STAM2: variants seen among roughly 807,000 people sequenced by gnomAD.
STAM2 encodes the protein signal transducing adapter molecule 2.
In STAM2, 51 loss-of-function variants were observed where a neutral mutation model predicts 65.6. The observed-to-expected ratio is 0.78, with a 90% CI of 0.62 to 0.98. The LOEUF is 0.98. STAM2 is among the 50% of genes least tolerant of loss of function. STAM2 has a pLI of 0.00. For missense variants in STAM2, 584 were observed against 617.8 expected, an observed-to-expected ratio of 0.95 and a Z score of 0.58; for synonymous variants, 198 against 208.4, an observed-to-expected ratio of 0.95 and a Z score of 0.43.
At chr2:152,134,698 T>C (rs1689122696) in intron 8 of STAM2, among the ~76,000 whole-genome samples, 1 of 152,152 alleles carries the variant, frequency 6.6e-6, no homozygotes, top group Admixed American at 6.5e-5. Flanking sequence ...TCCTTATCTG[T>C]AAGACAGGGC....
rs549324409 is a variant in STAM2 at position 152,120,501 on chromosome 2, T to G, written c.*73A>C. 3.8e-6 allele frequency: 5 copies of G among 1,333,146 alleles called. No individual in the cohort carries two copies. The African/African-American group carries it at 5.8e-5, about 16-fold the overall frequency. 82.6% of individuals were successfully genotyped at this position (1,333,146 alleles called of 1,614,324 possible). On this transcript the variant is annotated 3_prime_UTR_variant, in exon 14 of 14. Transcript: ENST00000263904. ...GAGTTGAGAGGGAAAAAAGTTTTAA[T>G]ATTTTCAGGTTGGTATCACAAGGAC...
intron 1 of STAM2, among the ~76,000 whole-genome samples, chr2:152,175,031 A>T (rs1297647173): frequency 6.6e-6 from 1 of 152,170 alleles, no homozygotes; most frequent in Non-Finnish European, 1.5e-5. Context: ...CACCCGCGCA[A>T]TCTTTGCAAT....
rs748199696 is a variant in STAM2 at position 152,175,619 on chromosome 2, G to A, written c.24C>T (p.Pro8=). The change falls in exon 1 of 14, where the codon CCC becomes CCT. Residue 8 remains proline (P), a synonymous_variant. Coordinates refer to ENST00000263904, the MANE Select transcript of STAM2 (RefSeq NM_005843.6). MPLFTAN[P]FEQDVEKATN... ...AGCACTCACCCACGTCTTGCTCGAA[G>A]GGGTTGGCGGTGAACAAAGGCATCT... 2.7e-5 allele frequency: 43 copies of A among 1,613,820 alleles called. 1 individual carries two copies. In the South Asian group the frequency reaches 4.4e-4, roughly 16 times the overall value.
chr2:152,141,781 G>C (rs1469834420), intron 7 of STAM2, among the ~76,000 whole-genome samples: 2 of 151,772 alleles, frequency 1.3e-5, no homozygotes, highest in East Asian at 2.0e-4. Flanking sequence ...AGTAGAGACA[G>C]GGTTTCACCA....
chr2:152,131,555 A>G (rs576880041), intron 11 of STAM2: 1 of 153,414 alleles, frequency 6.5e-6, no homozygotes, highest in South Asian at 2.1e-4. Context: ...TTAAGGCAGG[A>G]TGGTCTCAAA....
chr2:152,118,718 T>A lies in STAM2; in HGVS notation c.*1856A>T, dbSNP rs1019504258. 3 of 151,916 alleles carry A rather than the reference T, an allele frequency of 2.0e-5. No homozygotes were observed. The highest frequency in any genetic ancestry group is 2.0e-4 in the Admixed American group (3 of 15,252). 9.4% of individuals were successfully genotyped at this position (151,916 alleles called of 1,614,324 possible). ...CTTTGGATTTTTTTTAAATGTTTTT[T>A]AAAAATTATTATTTTGTAAATAACA... is the stretch of plus-strand genomic sequence containing the variant. On this transcript the variant is annotated 3_prime_UTR_variant, in exon 14 of 14. Coordinates refer to ENST00000263904, the MANE Select transcript of STAM2 (RefSeq NM_005843.6).
chr2:152,120,665 T>G lies in STAM2; in HGVS notation c.1487A>C (p.Asn496Thr). ...CGGAAAGCCTGCCAGTTGAGGCAAA[T>G]TGGAAGTAGTGTTCTGATAAGATGA... ...DMSSYQNTTSNLPQLAGFPVT... is the reference protein window; with the variant it reads ...DMSSYQNTTSTLPQLAGFPVT... Residue 496 changes from asparagine (N) to threonine (T), a missense_variant, in exon 14 of 14, where the codon AAT (asparagine) becomes ACT (threonine). Coordinates refer to ENST00000263904, the MANE Select transcript of STAM2 (RefSeq NM_005843.6). The G allele has an allele frequency of 6.2e-7, 1 of 1,614,112 alleles. No individual in the cohort carries two copies. Among genetic ancestry groups the G allele is most frequent in the East Asian group, 2.2e-5 (1 of 44,862 alleles).
intron 4 of STAM2, among the ~76,000 whole-genome samples, chr2:152,147,759 C>A (rs1319502228): frequency 6.6e-6 from 1 of 152,130 alleles, no homozygotes; most frequent in African/African-American, 2.4e-5. Context: ...GAGCATTCAA[C>A]AAGACAGTAT....
intron 8 of STAM2, among the ~76,000 whole-genome samples, chr2:152,135,058 A>G (rs542942840): frequency 6.6e-6 from 1 of 152,322 alleles, no homozygotes; most frequent in East Asian, 1.9e-4. Context: ...AATCAAGGTG[A>G]GGAAAGGTCT....
chr2:152,141,533 CAAAT>C (rs1689246889), intron 7 of STAM2, among the ~76,000 whole-genome samples: 1 of 151,774 alleles, frequency 6.6e-6, no homozygotes, highest in Non-Finnish European at 1.5e-5. Flanking sequence ...GACTCTGTCT[CAAAT>C]AAATAAATAA....
At chr2:152,173,363 C>CAT (rs1290551717) in intron 1 of STAM2, among the ~76,000 whole-genome samples, 8 of 146,300 alleles carry the variant, frequency 5.5e-5, no homozygotes, top group South Asian at 4.3e-4. Context: ...TATATACACA[C>CAT]ATATATATAC....
intron 11 of STAM2, chr2:152,131,872 T>G (rs185686464): frequency 2.1e-5 from 10 of 480,856 alleles, no homozygotes; most frequent in Non-Finnish European, 3.3e-5. Flanking sequence ...TAGAACAGAC[T>G]GGTTAAAAGT....
At chr2:152,133,524 T>C in intron 8 of STAM2, 40 bp from the exon 9 acceptor site, 2 of 1,500,514 alleles carry the variant, frequency 1.3e-6, no homozygotes, top group Admixed American at 3.6e-5. Context: ...CAGCATTTAC[T>C]TCAGTAATTT....
In STAM2 at chr2:152,121,820, G is replaced by A. The variant is rs149958670; in HGVS notation, c.1350-1018C>T. Among the ~76,000 whole-genome samples the A allele has an allele frequency of 6.4e-3, 979 of 152,056 alleles. 10 individuals are homozygous for A. Among genetic ancestry groups the A allele is most frequent in the African/African-American group, 0.022 (913 of 41,476 alleles). On this transcript the variant is annotated intron_variant, in intron 13 of 13. Coordinates refer to ENST00000263904, the MANE Select transcript of STAM2 (RefSeq NM_005843.6). Reference sequence around the variant, plus strand: ...AGCACTTTGGGAGGCCGAGGAGGGCGGATCACGAGGTCAGGAGATCGAGAC... The same window carrying A: ...AGCACTTTGGGAGGCCGAGGAGGGCAGATCACGAGGTCAGGAGATCGAGAC...
In STAM2 at chr2:152,117,573, T is replaced by C. The variant is rs1274110749; in HGVS notation, c.*3001A>G. On this transcript the variant is annotated 3_prime_UTR_variant, in exon 14 of 14. Transcript: ENST00000263904. The stretch of plus-strand genomic sequence containing the variant: ...TTTACTAACTGGCTAAAACTGATGA[T>C]GAAAGAAGAAAAAGTACCTTCCGAT... The C allele has an allele frequency of 6.6e-6, 1 of 152,144 alleles. No individual in the cohort carries two copies. Among genetic ancestry groups the C allele is most frequent in the Non-Finnish European group, 1.5e-5 (1 of 68,028 alleles). 9.4% of individuals were successfully genotyped at this position (152,144 alleles called of 1,614,324 possible).
intron 1 of STAM2, among the ~76,000 whole-genome samples, chr2:152,156,566 T>C (rs575199010): frequency 3.1e-4 from 47 of 152,220 alleles, no homozygotes; most frequent in African/African-American, 1.0e-3. Context: ...AGTCATAACA[T>C]TTCATCACCA....
chr2:152,164,849 C>T (rs1472557879), intron 1 of STAM2, among the ~76,000 whole-genome samples: 1 of 152,166 alleles, frequency 6.6e-6, no homozygotes, highest in Non-Finnish European at 1.5e-5. Context: ...TTACCTTTTA[C>T]TGTCCTTTAA....
At position 152,120,395 on chromosome 2, in the gene STAM2, G is replaced by C; in HGVS notation, c.*179C>G. 1 of 285,370 alleles carries C rather than the reference G, an allele frequency of 3.5e-6. No individual in the cohort carries two copies. The highest frequency in any genetic ancestry group is 6.2e-6 in the Non-Finnish European group (1 of 162,452). The allele number at this position is 285,370 out of a possible 1,614,324, so 17.7% of individuals were successfully genotyped here. ...AGATTGACTTCAAACAAACTGGACT[G>C]AAAAAAAAAAAAAAAAAAAACCTTT... is the stretch of plus-strand genomic sequence containing the variant. On this transcript the variant is annotated 3_prime_UTR_variant, in exon 14 of 14. Transcript: ENST00000263904.
chr2:152,139,527 A>C (rs959958129), intron 7 of STAM2, among the ~76,000 whole-genome samples: 5 of 152,202 alleles, frequency 3.3e-5, no homozygotes, highest in Non-Finnish European at 7.3e-5. Flanking sequence ...GTGAATAACC[A>C]CTGCACTCCA....
Sources: allele counts gnomAD v4.1 joint callset (sites outside exome capture counted in the v4.1 genomes callset), GRCh38; gene constraint gnomAD v4.1.1; transcripts MANE v1.5; gene names NCBI Gene and HGNC (gene_info 2026-07-23, HGNC 2026-07-21).